The following KALRN variants were observed in gnomAD, a reference collection of about 807,000 sequenced individuals.
KALRN encodes kalirin RhoGEF kinase, also known as kalirin.
A neutral mutation model predicts 353.7 loss-of-function variants in KALRN; 70 were observed. That is an observed-to-expected ratio of 0.20 (90% confidence interval 0.16 to 0.24). The LOEUF (loss-of-function observed/expected upper bound fraction) is 0.24, where lower values mean the gene tolerates loss of function less well. KALRN is among the 10% of genes least tolerant of loss of function. KALRN has a pLI of 1.00. For synonymous variants in KALRN, 1,391 were observed against 1,434.8 expected, an observed-to-expected ratio of 0.97 and a Z score of 0.69; for missense variants, 2,791 against 3,756.7, an observed-to-expected ratio of 0.74 and a Z score of 6.72.
chr3:124,285,685 G>A (rs1236560669), intron 5 of KALRN, among the ~76,000 whole-genome samples: 1 of 152,000 alleles, frequency 6.6e-6, no homozygotes, highest in Non-Finnish European at 1.5e-5. Flanking sequence ...ACAGGTGCAC[G>A]CCACCATGCC....
chr3:124,703,445 T>C (rs2150706193), intron 57 of KALRN, among the ~76,000 whole-genome samples: 1 of 152,326 alleles, frequency 6.6e-6, no homozygotes, highest in East Asian at 1.9e-4. Context: ...ACAAACATTA[T>C]TTAATTTAAT....
At chr3:124,464,604 AT>A (rs1235557355) in intron 25 of KALRN, among the ~76,000 whole-genome samples, 1 of 152,192 alleles carries the variant, frequency 6.6e-6, no homozygotes, top group African/African-American at 2.4e-5. Context: ...GAGTTAGAAT[AT>A]TATGAAGAAA....
chr3:124,085,380 CAAAT>C (rs1301003558), intron 1 of KALRN, among the ~76,000 whole-genome samples: 1 of 152,166 alleles, frequency 6.6e-6, no homozygotes, highest in Non-Finnish European at 1.5e-5. Flanking sequence ...AAGTGGCTGA[CAAAT>C]GAATGATCTG....
rs143520729 is a variant in KALRN at position 124,585,285 on chromosome 3, T to G, written c.5182+22196T>G. Among the ~76,000 whole-genome samples, 1,192 of 152,312 alleles carry G rather than the reference T, an allele frequency of 7.8e-3. 12 individuals carry two copies. Among genetic ancestry groups the G allele is most frequent in the African/African-American group, 0.026 (1,085 of 41,556 alleles). ...GGCGGAGAAGTACCTCACCTCTCAT[T>G]TACACATGGATCTCAGCTGCGGGAT... On this transcript the variant is annotated intron_variant, in intron 34 of 59. Transcript: ENST00000682506.
intron 1 of KALRN, among the ~76,000 whole-genome samples, chr3:124,073,907 C>T (rs2060138372): frequency 6.6e-6 from 1 of 152,126 alleles, no homozygotes; most frequent in East Asian, 1.9e-4. Flanking sequence ...GCACTGATCT[C>T]AAGCCCAGAA....
chr3:124,061,879 A>G lies in KALRN; in HGVS notation c.73+28066A>G, dbSNP rs6770392. 5.6e-3 allele frequency among the ~76,000 whole-genome samples: 847 copies of G among 152,310 alleles called. 6 individuals are homozygous for G. The highest frequency in any genetic ancestry group is 0.019 in the African/African-American group (774 of 41,566). ...GGACACCAGGAGTAGACCACATTCT[A>G]TGGCACAAGTGCTTGTTGTAAAGAA... is the stretch of plus-strand genomic sequence containing the variant. On this transcript the variant is annotated intron_variant, in intron 1 of 59. Transcript: ENST00000682506.
At chr3:124,399,202 G>A (rs1424026684) in intron 13 of KALRN, among the ~76,000 whole-genome samples, 2 of 152,076 alleles carry the variant, frequency 1.3e-5, no homozygotes, top group African/African-American at 4.8e-5. Context: ...GCATTGGCGC[G>A]ATCTGGGCTC....
chr3:124,339,033 G>A (rs528722393), intron 9 of KALRN, among the ~76,000 whole-genome samples: 1 of 152,290 alleles, frequency 6.6e-6, no homozygotes, highest in South Asian at 2.1e-4. Flanking sequence ...TTCAGAATTT[G>A]GGAATGAGGT....
At chr3:124,517,564 G>T (rs1213064236) in intron 33 of KALRN, among the ~76,000 whole-genome samples, 1 of 152,146 alleles carries the variant, frequency 6.6e-6, no homozygotes, top group Non-Finnish European at 1.5e-5. Flanking sequence ...CCTTCCTTGA[G>T]AGGTCATTTT....
At chr3:124,441,047 A>AT (rs1330325064) in intron 18 of KALRN, among the ~76,000 whole-genome samples, 1 of 152,192 alleles carries the variant, frequency 6.6e-6, no homozygotes, top group Non-Finnish European at 1.5e-5. Flanking sequence ...TTAGTCCTTT[A>AT]TGTAGACTGG....
chr3:124,125,531 G>A (rs1380886206), intron 1 of KALRN, among the ~76,000 whole-genome samples: 1 of 152,190 alleles, frequency 6.6e-6, no homozygotes, highest in Non-Finnish European at 1.5e-5. Context: ...CTGTGATGTG[G>A]TGGGTGGAGG....
In KALRN at chr3:124,457,631, A is replaced by G. The variant is rs146760317; in HGVS notation, c.3854+903A>G. ...ACACATTTTCTCTTTGTATCTTTCT[A>G]TCGCTTCTTTCAGGCAGCTATGATT... On this transcript the variant is annotated intron_variant, in intron 23 of 59. Transcript: ENST00000682506. 1.6e-3 allele frequency among the ~76,000 whole-genome samples: 247 copies of G among 152,318 alleles called. 2 individuals carry two copies. In the East Asian group the frequency reaches 0.025, roughly 15 times the overall value.
chr3:124,364,314 G>C (rs2084390425), intron 10 of KALRN, among the ~76,000 whole-genome samples: 1 of 152,214 alleles, frequency 6.6e-6, no homozygotes, highest in Non-Finnish European at 1.5e-5. Context: ...AAGAGTTTCA[G>C]AAAATTAGCT....
chr3:124,462,272 C>T, intron 24 of KALRN, among the ~76,000 whole-genome samples: 1 of 152,210 alleles, frequency 6.6e-6, no homozygotes, highest in East Asian at 1.9e-4. Context: ...TGCATCCTGA[C>T]CCCCATAAAA....
intron 13 of KALRN, among the ~76,000 whole-genome samples, chr3:124,413,246 C>T (rs185006016): frequency 1.3e-5 from 2 of 152,264 alleles, no homozygotes; most frequent in East Asian, 3.9e-4. Context: ...GCTGCTGTTC[C>T]TTTGCTGTTG....
Position 124,592,906 on chromosome 3 carries a change from G to T in KALRN, c.5182+29817G>T, listed in dbSNP as rs1427086849. Among the ~76,000 whole-genome samples the T allele has an allele frequency of 5.3e-5, 8 of 152,364 alleles. No homozygotes were observed. The East Asian group carries it at 1.2e-3, about 22-fold the overall frequency. On this transcript the variant is annotated intron_variant, in intron 34 of 59. Coordinates refer to ENST00000682506, the MANE Select transcript of KALRN (RefSeq NM_001388419.1). Reference sequence around the variant, plus strand: ...AAGATCAGAGTTACTAAAACAGGTTGTTCCACATTCTTTTTGCCTTTCTGG... The same window carrying T: ...AAGATCAGAGTTACTAAAACAGGTTTTTCCACATTCTTTTTGCCTTTCTGG...
chr3:124,215,659 C>T (rs2077262237), intron 1 of KALRN, among the ~76,000 whole-genome samples: 1 of 152,188 alleles, frequency 6.6e-6, no homozygotes, highest in Non-Finnish European at 1.5e-5. Flanking sequence ...ATTAAGCTGT[C>T]TAAGGGCACA....
At chr3:124,529,067 GTATAGTTTT>G (rs1400456890) in intron 33 of KALRN, among the ~76,000 whole-genome samples, 1 of 141,016 alleles carries the variant, frequency 7.1e-6, no homozygotes, top group Non-Finnish European at 1.6e-5. Flanking sequence ...TAAAGAATCA[GTATAGTTTT>G]ATAAAATTCG....
intron 34 of KALRN, among the ~76,000 whole-genome samples, chr3:124,576,814 T>C (rs778072946): frequency 1.6e-4 from 25 of 152,320 alleles, no homozygotes; most frequent in Non-Finnish European, 3.2e-4. Flanking sequence ...TCCCACATAG[T>C]GGACACTTAG....
Sources: allele counts gnomAD v4.1 joint callset (sites outside exome capture counted in the v4.1 genomes callset), GRCh38; gene constraint gnomAD v4.1.1; transcripts MANE v1.5; gene names NCBI Gene and HGNC (gene_info 2026-07-23, HGNC 2026-07-21).